GNG4: variants seen among roughly 807,000 people sequenced by gnomAD.
The protein encoded by GNG4 is guanine nucleotide-binding protein G(I)/G(S)/G(O) subunit gamma-4.
In GNG4, 4 loss-of-function variants were observed where a neutral mutation model predicts 5.8. The ratio of observed to expected loss-of-function variants is 0.69; its 90% CI spans 0.34 to 1.57. The LOEUF is 1.57. Ranked by LOEUF, GNG4 falls within the 40% of genes most tolerant of loss-of-function variation. The probability of loss-of-function intolerance (pLI) is 0.06; values close to 1 mark genes in which losing one functional copy is unlikely to be tolerated. For missense variants in GNG4, 96 were observed against 95.1 expected (o/e 1.01, Z -0.04); for synonymous variants, 29 against 32.9 (o/e 0.88, Z 0.41).
intron 1 of GNG4, among the ~76,000 whole-genome samples, chr1:235,639,658 C>T (rs1256361059): frequency 6.6e-6 from 1 of 152,196 alleles, no homozygotes; most frequent in African/African-American, 2.4e-5. Flanking sequence ...ATTCTCCTGC[C>T]TCACAACCAG....
At chr1:235,621,293 TTTTC>T (rs370598572) in intron 1 of GNG4, among the ~76,000 whole-genome samples, 2,469 of 141,742 alleles carry the variant, frequency 0.017, 31 homozygotes, top group African/African-American at 0.039. Flanking sequence ...TTTTCTTTTC[TTTTC>T]TTTTTTTTTT....
At chr1:235,597,401 C>T (rs1186661886) in intron 1 of GNG4, among the ~76,000 whole-genome samples, 1 of 6,624 alleles carries the variant, frequency 1.5e-4, no homozygotes, top group African/African-American at 1.5e-3. Context: ...TCCCCCCTAC[C>T]CCCCCCAAAT....
Position 235,574,950 on chromosome 1 carries a change from G to A in GNG4, c.99+8790C>T, listed in dbSNP as rs546229780. On this transcript the variant is annotated intron_variant, in intron 3 of 3. Transcript: ENST00000391854. Reference sequence around the variant, plus strand: ...AGTGATTCTCCTGCCTCAGCCTCCCGAGTAGCTGGGATTACAGGCACACAC... The same window carrying A: ...AGTGATTCTCCTGCCTCAGCCTCCCAAGTAGCTGGGATTACAGGCACACAC... Among the ~76,000 whole-genome samples the A allele has an allele frequency of 2.0e-4, 30 of 151,994 alleles. 1 individual carries two copies. In the South Asian group the frequency reaches 4.8e-3, roughly 24 times the overall value.
rs76492286 is a variant in GNG4, at chr1:235,594,994, G to T, written c.-11+406C>A. On this transcript the variant is annotated intron_variant, in intron 2 of 3. Coordinates refer to ENST00000391854, the MANE Select transcript of GNG4 (RefSeq NM_001098722.2). Reference sequence around the variant, plus strand: ...GACCCAGCAGCTTAAACTGCGAGTGGGGAGGAAGTGAGTGGTGGACCTCCT... The same window carrying T: ...GACCCAGCAGCTTAAACTGCGAGTGTGGAGGAAGTGAGTGGTGGACCTCCT... 1.9e-3 allele frequency among the ~76,000 whole-genome samples: 286 copies of T among 152,292 alleles called. 1 individual carries two copies. Among genetic ancestry groups the T allele is most frequent in the African/African-American group, 6.3e-3 (262 of 41,580 alleles).
In GNG4 at chr1:235,642,963, C is replaced by G. The variant is rs74927630; in HGVS notation, c.-123+6699G>C. On this transcript the variant is annotated intron_variant, in intron 1 of 3. Transcript: ENST00000391854. The surrounding 1 kb of genome is among the most constrained non-coding windows in gnomAD (Gnocchi z 4.3). Reference sequence around the variant, plus strand: ...CGTCCATCCATGCTCAGTCTGGAAACCCTGGGATCCCAGACACCAGCCTCT... The same window carrying G: ...CGTCCATCCATGCTCAGTCTGGAAAGCCTGGGATCCCAGACACCAGCCTCT... Among the ~76,000 whole-genome samples, 10,024 of 152,244 alleles carry G rather than the reference C, an allele frequency of 0.066. 447 individuals carry two copies. The highest frequency in any genetic ancestry group is 0.14 in the Middle Eastern group (42 of 294).
At chr1:235,579,073 G>A (rs1364423819) in intron 3 of GNG4, among the ~76,000 whole-genome samples, 4 of 150,650 alleles carry the variant, frequency 2.7e-5, no homozygotes, top group Admixed American at 2.0e-4. Context: ...CTCCAGCCTG[G>A]GTGACAGAGC....
intron 1 of GNG4, among the ~76,000 whole-genome samples, chr1:235,607,450 G>A (rs1420668621): frequency 2.6e-5 from 4 of 152,236 alleles, no homozygotes; most frequent in Non-Finnish European, 5.9e-5. Context: ...CAATGAGGTT[G>A]CTGGCCATCG....
chr1:235,603,230 C>T (rs1472658570), intron 1 of GNG4, among the ~76,000 whole-genome samples: 2 of 150,404 alleles, frequency 1.3e-5, no homozygotes, highest in African/African-American at 4.9e-5. Flanking sequence ...GACAACAGAG[C>T]AAGACTCTAT....
chr1:235,616,029 C>T (rs1345028840), intron 1 of GNG4: 1 of 354,390 alleles, frequency 2.8e-6, no homozygotes, highest in Non-Finnish European at 5.5e-6. Context: ...CTGTGTGGTC[C>T]AAGGCCTCGG....
chr1:235,616,745 C>T (rs201850989), intron 1 of GNG4, among the ~76,000 whole-genome samples: 10 of 134,544 alleles, frequency 7.4e-5, no homozygotes, highest in African/African-American at 1.3e-4. Flanking sequence ...TGTGTGTGTG[C>T]GCGCGTGTTT....
chr1:235,579,429 C>G (rs1480830934), intron 3 of GNG4, among the ~76,000 whole-genome samples: 2 of 142,602 alleles, frequency 1.4e-5, no homozygotes, highest in Non-Finnish European at 3.1e-5. Flanking sequence ...AAAGTAAATA[C>G]ATTAATAAAA....
At chr1:235,616,911 T>C (rs894248363) in intron 1 of GNG4, among the ~76,000 whole-genome samples, 31 of 141,984 alleles carry the variant, frequency 2.2e-4, no homozygotes, top group African/African-American at 8.8e-4. Flanking sequence ...GCTAATTTTT[T>C]TTTTTTTTTT....
chr1:235,599,631 C>T (rs981213139), intron 1 of GNG4, among the ~76,000 whole-genome samples: 2 of 152,078 alleles, frequency 1.3e-5, no homozygotes, highest in South Asian at 2.1e-4. Flanking sequence ...TGCGTTTTAA[C>T]CCAGGTGATT....
intron 3 of GNG4, among the ~76,000 whole-genome samples, chr1:235,577,184 C>T (rs186797175): frequency 1.5e-4 from 23 of 152,240 alleles, no homozygotes; most frequent in Non-Finnish European, 2.9e-4. Flanking sequence ...CATGCCATCC[C>T]GGGGGCTCCC....
chr1:235,577,535 G>A (rs1476905383), intron 3 of GNG4, among the ~76,000 whole-genome samples: 1 of 152,080 alleles, frequency 6.6e-6, no homozygotes, highest in East Asian at 1.9e-4. Context: ...CCGCCTCCTG[G>A]GTTCGAGTGA....
intron 3 of GNG4, among the ~76,000 whole-genome samples, chr1:235,579,161 GACT>G: frequency 6.6e-6 from 1 of 151,892 alleles, no homozygotes; most frequent in East Asian, 1.9e-4. Context: ...ACATCATGGT[GACT>G]ACAATTAATA....
chr1:235,584,002 G>T (rs1687705351), intron 2 of GNG4, among the ~76,000 whole-genome samples, 154 bp from the exon 3 acceptor site: 1 of 152,208 alleles, frequency 6.6e-6, no homozygotes, highest in Admixed American at 6.5e-5. Flanking sequence ...ATAAGAGAAA[G>T]GAATGCCTCA....
At chr1:235,581,304 C>T (rs1275252903) in intron 3 of GNG4, among the ~76,000 whole-genome samples, 4 of 151,974 alleles carry the variant, frequency 2.6e-5, no homozygotes, top group Non-Finnish European at 2.9e-5. Flanking sequence ...CCGAGGCAGG[C>T]GGATCACGAG....
At chr1:235,623,127 C>T (rs1688743022) in intron 1 of GNG4, among the ~76,000 whole-genome samples, 1 of 152,122 alleles carries the variant, frequency 6.6e-6, no homozygotes, top group African/African-American at 2.4e-5. Context: ...TTCAAAAGGG[C>T]ACCTTTTCCT....
Sources: gnomAD v4.1 joint callset for allele counts (sites outside exome capture counted in the v4.1 genomes callset) on GRCh38, gnomAD v4.1.1 for gene constraint, Gnocchi (gnomAD v3.1) non-coding constraint, MANE v1.5 for transcripts, NCBI Gene and HGNC (gene_info 2026-07-23, HGNC 2026-07-21) for gene names.